The following SEMA5A variants were observed in gnomAD, a reference collection of about 807,000 sequenced individuals.
The protein encoded by SEMA5A is semaphorin-5A.
In SEMA5A, 55 loss-of-function variants were observed where a neutral mutation model predicts 135.5. That is an observed-to-expected ratio of 0.41 (90% CI 0.33 to 0.51). The LOEUF is 0.51. Ranked by LOEUF, SEMA5A falls within the 20% of genes least tolerant of loss-of-function variation. The probability of loss-of-function intolerance (pLI) is 0.37; values close to 1 mark genes in which losing one functional copy is unlikely to be tolerated. For synonymous variants in SEMA5A, 580 were observed against 546.5 expected (o/e 1.06, Z -0.85); for missense variants, 1,290 against 1,419.9 (o/e 0.91, Z 1.47).
At chr5:9,043,228 T>G in intron 22 of SEMA5A, 2 of 447,442 alleles carry the variant, frequency 4.5e-6, no homozygotes, top group South Asian at 7.5e-5. Flanking sequence ...TGTGATATCT[T>G]CTGGTTAAGT....
At chr5:9,063,224 C>T in intron 17 of SEMA5A, 119 bp from the exon 18 acceptor site, 1 of 993,544 alleles carries the variant, frequency 1.0e-6, no homozygotes, top group Non-Finnish European at 1.5e-6. Context: ...CTCTCACATT[C>T]CGTTGAGCTC....
chr5:9,300,144 T>C (rs1320372774), intron 5 of SEMA5A, among the ~76,000 whole-genome samples: 4 of 152,118 alleles, frequency 2.6e-5, no homozygotes, highest in African/African-American at 9.7e-5. Context: ...CCTCCTGCCT[T>C]GGCCTCCCAT....
chr5:9,167,118 C>T (rs747696574), intron 11 of SEMA5A, among the ~76,000 whole-genome samples: 14 of 152,180 alleles, frequency 9.2e-5, no homozygotes, highest in Non-Finnish European at 1.9e-4. Flanking sequence ...AGCTCTCTTA[C>T]TCAGTGGAAT....
intron 16 of SEMA5A, among the ~76,000 whole-genome samples, chr5:9,081,805 TG>T (rs371921379): frequency 4.5e-4 from 69 of 152,340 alleles, no homozygotes; most frequent in African/African-American, 1.6e-3. Flanking sequence ...ATTAAAACTC[TG>T]AAGTTCAGTC....
intron 4 of SEMA5A, among the ~76,000 whole-genome samples, chr5:9,323,734 T>A (rs1316201293): frequency 1.4e-5 from 2 of 144,930 alleles, no homozygotes; most frequent in Admixed American, 7.0e-5. Flanking sequence ...TGATCTCGAC[T>A]CACTGCAACC....
At chr5:9,137,357 G>A (rs1032580371) in intron 12 of SEMA5A, among the ~76,000 whole-genome samples, 6 of 152,118 alleles carry the variant, frequency 3.9e-5, no homozygotes, top group South Asian at 2.1e-4. Context: ...TTTAGATGGC[G>A]GATATTTTCT....
Position 9,362,754 on chromosome 5 carries a change from T to C in SEMA5A, c.124+17069A>G, listed in dbSNP as rs1194037295. Among the ~76,000 whole-genome samples the C allele has an allele frequency of 2.0e-5, 3 of 152,250 alleles. No individual in the cohort carries two copies. In the East Asian group the frequency reaches 5.8e-4, roughly 29 times the overall value. ...ACTTCCCAAACTCTGTAGTATGCTC[T>C]CATGTCTAGATGAATATCAAATGTA... On this transcript the variant is annotated intron_variant, in intron 3 of 22. Transcript: ENST00000382496.
chr5:9,524,084 G>A (rs929506140), intron 1 of SEMA5A, among the ~76,000 whole-genome samples: 22 of 152,276 alleles, frequency 1.4e-4, no homozygotes, highest in Non-Finnish European at 2.6e-4. Flanking sequence ...CATCCCCCTA[G>A]TGCAGTGTTG....
At chr5:9,288,449 T>A (rs1394358864) in intron 5 of SEMA5A, among the ~76,000 whole-genome samples, 1 of 152,142 alleles carries the variant, frequency 6.6e-6, no homozygotes, top group Non-Finnish European at 1.5e-5. Context: ...ACCTTTTCCA[T>A]GGCCCTATCC....
At chr5:9,478,059 G>A (rs567243727) in intron 1 of SEMA5A, among the ~76,000 whole-genome samples, 2 of 152,312 alleles carry the variant, frequency 1.3e-5, no homozygotes, top group South Asian at 4.1e-4. Context: ...CATGACTATA[G>A]GGGCCAAGGT....
At chr5:9,078,182 G>A (rs1738173464) in intron 16 of SEMA5A, among the ~76,000 whole-genome samples, 1 of 152,194 alleles carries the variant, frequency 6.6e-6, no homozygotes, top group African/African-American at 2.4e-5. Flanking sequence ...CTTGCAATGA[G>A]AGGAGTAACT....
intron 1 of SEMA5A, among the ~76,000 whole-genome samples, chr5:9,535,053 T>C (rs1737679647): frequency 6.6e-6 from 1 of 152,148 alleles, no homozygotes; most frequent in African/African-American, 2.4e-5. Flanking sequence ...GAATGAGGTG[T>C]GAGCCCCGGG....
rs148320718 is a variant in SEMA5A at position 9,452,261 on chromosome 5, T to A, written c.-174-14409A>T. 5.7e-3 allele frequency among the ~76,000 whole-genome samples: 868 copies of A among 152,316 alleles called. 10 individuals carry two copies. The highest frequency in any genetic ancestry group is 0.02 in the African/African-American group (827 of 41,574). The stretch of plus-strand genomic sequence containing the variant: ...CAAAAGACATCTTCATTCTAGCTCA[T>A]ATGGCCAGAGGGAGCCCCCTTCTCC... On this transcript the variant is annotated intron_variant, in intron 1 of 22. Coordinates refer to ENST00000382496, the MANE Select transcript of SEMA5A (RefSeq NM_003966.3).
Position 9,326,321 on chromosome 5 carries a change from G to A in SEMA5A, c.225-7904C>T, listed in dbSNP as rs145125529. ...GCTGGATGTGCAGTGGCAGCATCTC[G>A]GCTCACTGCAACCTCCATCGCAGGC... On this transcript the variant is annotated intron_variant, in intron 4 of 22. Coordinates refer to ENST00000382496, the MANE Select transcript of SEMA5A (RefSeq NM_003966.3). Among the ~76,000 whole-genome samples, 561 of 152,178 alleles carry A rather than the reference G, an allele frequency of 3.7e-3. 2 individuals carry two copies. Among genetic ancestry groups the A allele is most frequent in the African/African-American group, 0.013 (542 of 41,554 alleles).
At chr5:9,414,494 T>C (rs1192439757) in intron 2 of SEMA5A, among the ~76,000 whole-genome samples, 2 of 152,234 alleles carry the variant, frequency 1.3e-5, no homozygotes, top group African/African-American at 4.8e-5. Context: ...CATAAATAGA[T>C]GGAAATAGGT....
At chr5:9,215,406 C>A (rs1056331844) in intron 8 of SEMA5A, among the ~76,000 whole-genome samples, 5 of 152,170 alleles carry the variant, frequency 3.3e-5, no homozygotes, top group African/African-American at 1.2e-4. Flanking sequence ...TGAATGTGAC[C>A]TTATCTGGAA....
At chr5:9,225,345 A>G (rs1274582652) in intron 7 of SEMA5A, among the ~76,000 whole-genome samples, 1 of 142,638 alleles carries the variant, frequency 7.0e-6, no homozygotes, top group Non-Finnish European at 1.5e-5. Context: ...CGAGGTCAGG[A>G]GATCAAGACC....
At chr5:9,256,726 G>A (rs1027978711) in intron 5 of SEMA5A, among the ~76,000 whole-genome samples, 5 of 152,128 alleles carry the variant, frequency 3.3e-5, no homozygotes, top group Non-Finnish European at 7.4e-5. Flanking sequence ...CCCCATAAGA[G>A]ACCCTGATTA....
chr5:9,133,921 A>G lies in SEMA5A; in HGVS notation c.1599+2583T>C, dbSNP rs1213878422. Among the ~76,000 whole-genome samples, 6 of 151,632 alleles carry G rather than the reference A, an allele frequency of 4.0e-5. No homozygotes were observed. In the East Asian group the frequency reaches 1.2e-3, roughly 30 times the overall value. On this transcript the variant is annotated intron_variant, in intron 13 of 22. Transcript: ENST00000382496. ...CATGTCAAGGGAGGAACCTAGTGGG[A>G]GGTAATTGAATCATGGGGGTGGTTT...
Sources: gnomAD v4.1 joint callset for allele counts (sites outside exome capture counted in the v4.1 genomes callset) on GRCh38, gnomAD v4.1.1 for gene constraint, MANE v1.5 for transcripts, NCBI Gene and HGNC (gene_info 2026-07-23, HGNC 2026-07-21) for gene names.